MAML2: variants seen among roughly 807,000 people sequenced by gnomAD.
The protein encoded by MAML2 is mastermind like transcriptional coactivator 2.
In MAML2, 22 loss-of-function variants were observed where a neutral mutation model predicts 96.1. That is an observed-to-expected ratio of 0.23 (90% CI 0.16 to 0.33). The LOEUF (loss-of-function observed/expected upper bound fraction) is 0.33, where lower values mean the gene tolerates loss of function less well. Among genes scored for constraint, MAML2 ranks in the 10% least tolerant of loss-of-function variants. The pLI is 1.00. For missense variants in MAML2, 1,367 were observed against 1,392.4 expected (o/e 0.98, Z 0.29); for synonymous variants, 561 against 521.3 (o/e 1.08, Z -1.04).
intron 2 of MAML2, among the ~76,000 whole-genome samples, chr11:96,017,035 CAGT>C (rs1858364386): frequency 1.3e-5 from 2 of 152,206 alleles, no homozygotes; most frequent in Admixed American, 1.3e-4. Flanking sequence ...GAGGAATAAT[CAGT>C]AATAATAATA....
intron 2 of MAML2, among the ~76,000 whole-genome samples, chr11:96,048,522 TAGGTAATTA>T (rs1209442841): frequency 1.3e-5 from 2 of 152,284 alleles, no homozygotes; most frequent in East Asian, 3.9e-4. Context: ...TTAACACATA[TAGGTAATTA>T]AATTTATGTG....
chr11:96,209,239 G>T (rs939211317), intron 1 of MAML2, among the ~76,000 whole-genome samples: 7 of 104,690 alleles, frequency 6.7e-5, no homozygotes, highest in African/African-American at 2.2e-4. Flanking sequence ...GGTGGGGGGT[G>T]GGGGGGCAGT....
At chr11:96,285,864 A>T (rs148583046) in intron 1 of MAML2, among the ~76,000 whole-genome samples, 1 of 152,250 alleles carries the variant, frequency 6.6e-6, no homozygotes, top group East Asian at 1.9e-4. Context: ...GAATGCTTCT[A>T]TGCTGTTGGT....
At chr11:96,260,660 T>C (rs1862736709) in intron 1 of MAML2, among the ~76,000 whole-genome samples, 1 of 152,152 alleles carries the variant, frequency 6.6e-6, no homozygotes, top group South Asian at 2.1e-4. Flanking sequence ...TGAGCAGTGA[T>C]ATTATTTGAG....
chr11:96,169,954 G>A (rs1455260777), intron 1 of MAML2, among the ~76,000 whole-genome samples: 1 of 152,214 alleles, frequency 6.6e-6, no homozygotes, highest in East Asian at 1.9e-4. Context: ...TGCCCGACCA[G>A]TAAAACTTTA....
At chr11:96,137,837 T>G (rs1179724336) in intron 1 of MAML2, among the ~76,000 whole-genome samples, 2 of 152,234 alleles carry the variant, frequency 1.3e-5, no homozygotes, top group Non-Finnish European at 1.5e-5. Context: ...AATACTTGGT[T>G]CCTAAGACTG....
rs1157114889 is a variant in MAML2 at position 95,978,495 on chromosome 11, T to A, written c.*453A>T. The A allele has an allele frequency of 2.9e-5, 6 of 207,634 alleles. No homozygotes were observed. Among genetic ancestry groups the A allele is most frequent in the Non-Finnish European group, 5.9e-5 (6 of 102,228 alleles). The allele number at this position is 207,634 out of a possible 1,614,324, so 12.9% of individuals were successfully genotyped here. ...TCCTGCAAGCTTCAGGAAAATTAAA[T>A]GAAAAGACACAATGGAAAGATTAAA... is the stretch of plus-strand genomic sequence containing the variant. On this transcript the variant is annotated 3_prime_UTR_variant, in exon 5 of 5. Coordinates refer to ENST00000524717, the MANE Select transcript of MAML2 (RefSeq NM_032427.4).
At chr11:96,190,309 C>G (rs1322246938) in intron 1 of MAML2, among the ~76,000 whole-genome samples, 1 of 152,134 alleles carries the variant, frequency 6.6e-6, no homozygotes, top group Non-Finnish European at 1.5e-5. Flanking sequence ...GGGATCTGTT[C>G]ATGAGAAAGT....
At chr11:96,172,194 T>A (rs966173546) in intron 1 of MAML2, among the ~76,000 whole-genome samples, 2 of 152,250 alleles carry the variant, frequency 1.3e-5, no homozygotes, top group Admixed American at 6.5e-5. Flanking sequence ...AATGAATACA[T>A]GAATGCTTAA....
intron 1 of MAML2, among the ~76,000 whole-genome samples, chr11:96,195,720 G>A (rs533853543): frequency 6.6e-6 from 1 of 152,296 alleles, no homozygotes; most frequent in East Asian, 1.9e-4. Context: ...GCATATAATT[G>A]TAAAGTCTTT....
intron 1 of MAML2, among the ~76,000 whole-genome samples, chr11:96,263,693 G>A (rs1415853802): frequency 6.6e-6 from 1 of 152,240 alleles, no homozygotes; most frequent in Non-Finnish European, 1.5e-5. Context: ...CTAGCCACAA[G>A]GGAAATTCCT....
At chr11:96,161,728 G>A (rs1463101787) in intron 1 of MAML2, among the ~76,000 whole-genome samples, 2 of 152,166 alleles carry the variant, frequency 1.3e-5, no homozygotes, top group Admixed American at 1.3e-4. Flanking sequence ...GTTCGTATGC[G>A]ACTCCACCGT....
intron 2 of MAML2, among the ~76,000 whole-genome samples, chr11:96,056,964 T>C (rs1349112032): frequency 6.6e-6 from 1 of 152,230 alleles, no homozygotes; most frequent in Non-Finnish European, 1.5e-5. Flanking sequence ...TGAAATTTGT[T>C]GTTTGGTGTA....
In MAML2 at chr11:96,343,089, C is replaced by G. The variant is rs534186820; in HGVS notation, c.-1194G>C. ...GTAGCTTGTATTTTCCTTTCTCTTT[C>G]TCGTCTGTTGTTAGCCGCTTTGCTG... is the stretch of plus-strand genomic sequence containing the variant. On this transcript the variant is annotated 5_prime_UTR_variant, in exon 1 of 5. Coordinates refer to ENST00000524717, the MANE Select transcript of MAML2 (RefSeq NM_032427.4). The G allele has an allele frequency of 1.7e-4, 67 of 398,466 alleles. No individual in the cohort carries two copies. The highest frequency in any genetic ancestry group is 2.4e-4 in the Non-Finnish European group (54 of 226,058). The allele number at this position is 398,466 out of a possible 1,614,324, so 24.7% of individuals were successfully genotyped here. A position where few individuals can be genotyped will look rare whatever the true frequency, so the allele number is the denominator to read the frequency against.
chr11:96,061,590 T>C (rs11021409), intron 2 of MAML2, among the ~76,000 whole-genome samples: 21,557 of 152,210 alleles, frequency 0.14, 1,989 homozygotes, highest in East Asian at 0.31. Context: ...CCAGCCCATT[T>C]TTGACATCAG....
chr11:96,258,887 A>G (rs897094038), intron 1 of MAML2, among the ~76,000 whole-genome samples: 1 of 152,112 alleles, frequency 6.6e-6, no homozygotes, highest in African/African-American at 2.4e-5. Context: ...CTTCAGGCAG[A>G]TGTTGGTATC....
intron 2 of MAML2, among the ~76,000 whole-genome samples, chr11:96,017,102 T>C (rs1372988711): frequency 1.3e-5 from 2 of 152,222 alleles, no homozygotes; most frequent in African/African-American, 4.8e-5. Flanking sequence ...ACTAAACAAT[T>C]TGATTACCTT....
chr11:96,003,621 T>C (rs1858132157), intron 2 of MAML2, among the ~76,000 whole-genome samples: 1 of 152,092 alleles, frequency 6.6e-6, no homozygotes, highest in African/African-American at 2.4e-5. Flanking sequence ...CCAACTTTGG[T>C]TTTTTCTAAG....
chr11:96,034,966 G>T (rs1858689003), intron 2 of MAML2, among the ~76,000 whole-genome samples: 1 of 152,178 alleles, frequency 6.6e-6, no homozygotes, highest in Non-Finnish European at 1.5e-5. Context: ...TAGTTTAAAA[G>T]ATTAAAAGGC....
Sources: gnomAD v4.1 joint callset for allele counts (sites outside exome capture counted in the v4.1 genomes callset) on GRCh38, gnomAD v4.1.1 for gene constraint, MANE v1.5 for transcripts, NCBI Gene and HGNC (gene_info 2026-07-23, HGNC 2026-07-21) for gene names.